Variants in ZC3H18 observed in about 807,000 individuals in gnomAD.
ZC3H18 encodes zinc finger CCCH-type containing 18, also known as zinc finger CCCH domain-containing protein 18.
Under a neutral mutation model 106.1 loss-of-function variants are expected in ZC3H18, and 8 were observed. That is an observed-to-expected ratio of 0.08 (90% CI 0.04 to 0.14). The LOEUF is 0.14. ZC3H18 is among the 10% of genes least tolerant of loss of function. ZC3H18 has a pLI of 1.00. For synonymous variants in ZC3H18, 635 were observed against 522.1 expected, an observed-to-expected ratio of 1.22 and a Z score of -2.95; for missense variants, 1,318 against 1,278.4, an observed-to-expected ratio of 1.03 and a Z score of -0.47.
At chr16:88,577,047 G>C in intron 1 of ZC3H18, 63 bp from the exon 2 acceptor site, 2 of 1,491,184 alleles carry the variant, frequency 1.3e-6, no homozygotes, top group Non-Finnish European at 1.8e-6. Context: ...GGCCAGGAAA[G>C]TAGGGACAAG....
At chr16:88,571,524 A>C in intron 1 of ZC3H18, 1 of 691,580 alleles carries the variant, frequency 1.4e-6, no homozygotes, top group Non-Finnish European at 1.8e-6. Flanking sequence ...TTTTCCTGAT[A>C]ATTTTACTAT....
chr16:88,630,395 T>A (rs1232442644), intron 16 of ZC3H18, 90 bp from the exon 17 acceptor site: 4 of 987,312 alleles, frequency 4.1e-6, no homozygotes, highest in Admixed American at 2.1e-5. Flanking sequence ...CCTCAGGCTT[T>A]AGAAGTGAGT....
At chr16:88,604,608 C>T (rs1317380707) in intron 6 of ZC3H18, among the ~76,000 whole-genome samples, 1 of 151,098 alleles carries the variant, frequency 6.6e-6, no homozygotes, top group Non-Finnish European at 1.5e-5. Flanking sequence ...ATGGCGTGAA[C>T]CCAGGAGGCG....
At chr16:88,582,896 G>A (rs1262685634) in intron 2 of ZC3H18, among the ~76,000 whole-genome samples, 1 of 152,190 alleles carries the variant, frequency 6.6e-6, no homozygotes, top group East Asian at 1.9e-4. Context: ...TGTGTACCTC[G>A]CAGGCTACCG....
intron 5 of ZC3H18, 78 bp downstream of exon 5, chr16:88,598,790 C>G (rs1442118080): frequency 7.2e-7 from 1 of 1,381,900 alleles, no homozygotes. Context: ...GGGATTTCCT[C>G]GGTCCAGAGA....
chr16:88,611,437 A>G lies in ZC3H18; in HGVS notation c.1376A>G (p.Lys459Arg), dbSNP rs1905269519. Residue 459 changes from lysine to arginine, a missense_variant, in exon 8 of 18, where the codon AAG becomes AGG. Physicochemically the swap from Lys to Arg is conservative, Grantham distance 26 (BLOSUM62 2). Transcript: ENST00000301011. ...GAGGAGTGGGAGCGTGAGCGAGCCA[A>G]GCGGGACGAGAAGGACCGGCAGCAC... ...RKEEWERERA[K>R]RDEKDRQHRD... The G allele has an allele frequency of 1.3e-6, 2 of 1,502,106 alleles. No homozygotes were observed. Among genetic ancestry groups the G allele is most frequent in the South Asian group, 1.2e-5 (1 of 83,098 alleles). The allele number at this position is 1,502,106 out of a possible 1,614,324, so 93.0% of individuals were successfully genotyped here. A position where few individuals can be genotyped will look rare whatever the true frequency, so the allele number is the denominator to read the frequency against.
intron 8 of ZC3H18, among the ~76,000 whole-genome samples, chr16:88,615,010 A>C (rs61335734): frequency 1.3e-5 from 1 of 78,316 alleles, no homozygotes; most frequent in Non-Finnish European, 2.6e-5. Context: ...CACCTCCTCC[A>C]TTCCCTCTGC....
Position 88,628,047 on chromosome 16 carries a change from G to C in ZC3H18, c.2397G>C (p.Gln799His), listed in dbSNP as rs1906425436. ...KSSQQPSTPQ[Q>H]APPGQPQQGT... ...CCCAGCAGCCCTCGACACCCCAGCA[G>C]GCACCCCCCGGGCAGCCCCAGCAGG... The change falls in exon 15 of 18, where the codon CAG (glutamine) becomes CAC (histidine). Residue 799 changes from glutamine (Q) to histidine (H), a missense_variant. Gln to His is a conservative substitution (Grantham distance 24). Transcript: ENST00000301011. The C allele has an allele frequency of 6.2e-7, 1 of 1,613,992 alleles. No homozygotes were observed. The highest frequency in any genetic ancestry group is 2.2e-5 in the East Asian group (1 of 44,894).
At chr16:88,580,134 C>G (rs1597321264) in intron 2 of ZC3H18, among the ~76,000 whole-genome samples, 2 of 151,630 alleles carry the variant, frequency 1.3e-5, no homozygotes, top group African/African-American at 4.9e-5. Context: ...GCCTCTGCCT[C>G]TCTGTCGTGA....
At chr16:88,620,908 C>T (rs2142796404) in intron 8 of ZC3H18, among the ~76,000 whole-genome samples, 1 of 152,332 alleles carries the variant, frequency 6.6e-6, no homozygotes, top group South Asian at 2.1e-4. Context: ...CTCTGTTGCC[C>T]AGTTTGGAGT....
At chr16:88,593,518 CTG>C (rs1904307802) in intron 3 of ZC3H18, among the ~76,000 whole-genome samples, 1 of 152,190 alleles carries the variant, frequency 6.6e-6, no homozygotes, top group South Asian at 2.1e-4. Context: ...GTAACTGAAA[CTG>C]TGGAAAGCCA....
chr16:88,587,591 AC>A, intron 3 of ZC3H18: 1 of 1,536,018 alleles, frequency 6.5e-7, no homozygotes, highest in South Asian at 1.2e-5. Flanking sequence ...CCAATTCCAT[AC>A]CATTCAGAGG....
At chr16:88,626,499 C>T (rs1269915681) in intron 13 of ZC3H18, 1 of 152,062 alleles carries the variant, frequency 6.6e-6, no homozygotes, top group Non-Finnish European at 1.5e-5. Context: ...ATATATTTGT[C>T]ACAGTTCTTT....
chr16:88,586,087 G>A (rs954207874), intron 2 of ZC3H18, among the ~76,000 whole-genome samples: 1 of 152,142 alleles, frequency 6.6e-6, no homozygotes, highest in Non-Finnish European at 1.5e-5. Flanking sequence ...CTCCTGGGTT[G>A]TTCTAAGACT....
intron 8 of ZC3H18, among the ~76,000 whole-genome samples, chr16:88,619,385 G>A (rs1367789109): frequency 6.6e-6 from 1 of 152,218 alleles, no homozygotes; most frequent in Admixed American, 6.5e-5. Flanking sequence ...CTTGCTCCAT[G>A]GGCCTGGAAG....
intron 1 of ZC3H18, among the ~76,000 whole-genome samples, chr16:88,571,249 C>T (rs189198974): frequency 6.6e-6 from 1 of 152,286 alleles, no homozygotes; most frequent in East Asian, 1.9e-4. Context: ...GGTAGAGTGG[C>T]CGTTTTAAAT....
At chr16:88,575,263 TA>T (rs1449494189) in intron 1 of ZC3H18, among the ~76,000 whole-genome samples, 2 of 152,098 alleles carry the variant, frequency 1.3e-5, no homozygotes, top group Non-Finnish European at 2.9e-5. Context: ...AAAAGATGAA[TA>T]TTTTTATCTT....
chr16:88,623,925 G>T, intron 10 of ZC3H18, 33 bp from the exon 11 acceptor site: 1 of 1,582,286 alleles, frequency 6.3e-7, no homozygotes. Context: ...AACACCCCCA[G>T]GCCCCTTCCG....
chr16:88,619,496 G>A (rs1905826199), intron 8 of ZC3H18, among the ~76,000 whole-genome samples: 1 of 152,126 alleles, frequency 6.6e-6, no homozygotes, highest in Non-Finnish European at 1.5e-5. Context: ...GCCCAGAGAA[G>A]GAGAGACCTC....
Sources: allele counts gnomAD v4.1 joint callset (sites outside exome capture counted in the v4.1 genomes callset), GRCh38; gene constraint gnomAD v4.1.1; transcripts MANE v1.5; gene names NCBI Gene and HGNC (gene_info 2026-07-23, HGNC 2026-07-21).